The following ST6GALNAC3 variants were observed in gnomAD, a reference collection of about 807,000 sequenced individuals.
ST6GALNAC3 encodes ST6 N-acetylgalactosaminide alpha-2,6-sialyltransferase 3.
Under a neutral mutation model 32.7 loss-of-function variants are expected in ST6GALNAC3, and 25 were observed. That is an observed-to-expected ratio of 0.76 (90% CI 0.56 to 1.07). The LOEUF (loss-of-function observed/expected upper bound fraction) is 1.07, where lower values mean the gene tolerates loss of function less well. Among genes scored for constraint, ST6GALNAC3 ranks in the 50% least tolerant of loss-of-function variants. The pLI, the probability that ST6GALNAC3 is intolerant of heterozygous loss-of-function variation, is 0.00. For synonymous variants in ST6GALNAC3, 129 were observed against 133.1 expected, an observed-to-expected ratio of 0.97 and a Z score of 0.21; for missense variants, 355 against 382.4, an observed-to-expected ratio of 0.93 and a Z score of 0.60.
chr1:76,333,944 T>C (rs1335728860), intron 2 of ST6GALNAC3, among the ~76,000 whole-genome samples: 1 of 152,180 alleles, frequency 6.6e-6, no homozygotes, highest in African/African-American at 2.4e-5. Flanking sequence ...TAATTAATTT[T>C]CCAAGATCAT....
At chr1:76,314,521 G>T (rs1239416212) in intron 2 of ST6GALNAC3, among the ~76,000 whole-genome samples, 1 of 152,178 alleles carries the variant, frequency 6.6e-6, no homozygotes, top group East Asian at 1.9e-4. Flanking sequence ...TTAAAATCGT[G>T]TAAATCCTAT....
At chr1:76,605,540 A>C (rs1385064957) in intron 3 of ST6GALNAC3, among the ~76,000 whole-genome samples, 1 of 152,066 alleles carries the variant, frequency 6.6e-6, no homozygotes, top group African/African-American at 2.4e-5. Flanking sequence ...AAACAAATTT[A>C]CAAGAAAAAA....
chr1:76,353,005 G>A (rs1223250282), intron 2 of ST6GALNAC3, among the ~76,000 whole-genome samples: 1 of 151,972 alleles, frequency 6.6e-6, no homozygotes, highest in East Asian at 1.9e-4. Flanking sequence ...CTGGTCTCCT[G>A]CTTCCACTCT....
intron 1 of ST6GALNAC3, among the ~76,000 whole-genome samples, chr1:76,106,860 C>T (rs1647567039): frequency 6.6e-6 from 1 of 152,184 alleles, no homozygotes. Flanking sequence ...CTGCCATTGT[C>T]ATGGGAAAAG....
intron 2 of ST6GALNAC3, among the ~76,000 whole-genome samples, chr1:76,360,831 G>T (rs72675996): frequency 0.018 from 2,758 of 152,238 alleles, 39 homozygotes; most frequent in Non-Finnish European, 0.027. Flanking sequence ...TTAGAACCTC[G>T]TTGGCCTTCT....
intron 3 of ST6GALNAC3, among the ~76,000 whole-genome samples, chr1:76,501,384 G>A (rs1259968231): frequency 2.0e-5 from 3 of 152,272 alleles, no homozygotes; most frequent in Non-Finnish European, 2.9e-5. Flanking sequence ...GCTTTATCCC[G>A]GGATCTTATC....
chr1:76,224,101 T>C (rs1655934922), intron 1 of ST6GALNAC3, among the ~76,000 whole-genome samples: 1 of 152,178 alleles, frequency 6.6e-6, no homozygotes. Flanking sequence ...TTCCTGATGC[T>C]TCCATACTTC....
At chr1:76,276,934 A>G (rs1659166407) in intron 1 of ST6GALNAC3, among the ~76,000 whole-genome samples, 1 of 152,070 alleles carries the variant, frequency 6.6e-6, no homozygotes, top group Admixed American at 6.6e-5. Flanking sequence ...TTGCATTTTT[A>G]ATTGATATTT....
intron 2 of ST6GALNAC3, among the ~76,000 whole-genome samples, chr1:76,334,833 AT>A (rs765281065): frequency 6.6e-6 from 1 of 152,214 alleles, no homozygotes; most frequent in Non-Finnish European, 1.5e-5. Flanking sequence ...AGGGTTTCCG[AT>A]TCAGTAGATG....
At chr1:76,627,690 C>A in intron 4 of ST6GALNAC3, 131 bp downstream of exon 4, 1 of 790,558 alleles carries the variant, frequency 1.3e-6, no homozygotes, top group Non-Finnish European at 2.1e-6. Flanking sequence ...TCTTTGCTGA[C>A]ATGACATTTT....
intron 2 of ST6GALNAC3, among the ~76,000 whole-genome samples, chr1:76,385,458 G>A (rs1481957933): frequency 6.6e-6 from 1 of 151,978 alleles, no homozygotes; most frequent in Non-Finnish European, 1.5e-5. Context: ...CAAACATTTG[G>A]GCAAGTCACT....
intron 1 of ST6GALNAC3, among the ~76,000 whole-genome samples, chr1:76,077,220 A>G (rs921261972): frequency 4.0e-5 from 6 of 150,734 alleles, no homozygotes; most frequent in African/African-American, 1.5e-4. Context: ...AATTATAACC[A>G]TTGCGTTACA....
At chr1:76,212,294 GA>G (rs1471830540) in intron 1 of ST6GALNAC3, among the ~76,000 whole-genome samples, 1 of 152,078 alleles carries the variant, frequency 6.6e-6, no homozygotes, top group African/African-American at 2.4e-5. Flanking sequence ...TAAGTATAGT[GA>G]AACGCTTCCA....
intron 1 of ST6GALNAC3, among the ~76,000 whole-genome samples, chr1:76,160,041 TG>T (rs1172026789): frequency 1.3e-5 from 2 of 152,206 alleles, no homozygotes; most frequent in African/African-American, 4.8e-5. Flanking sequence ...TTTGTAGGAT[TG>T]TTGGTGAAAC....
chr1:76,239,329 T>G (rs1283676686), intron 1 of ST6GALNAC3, among the ~76,000 whole-genome samples: 1 of 152,016 alleles, frequency 6.6e-6, no homozygotes. Context: ...GGGGGAAGGA[T>G]GTGGAGAGAG....
At chr1:76,160,921 A>G (rs1231435199) in intron 1 of ST6GALNAC3, among the ~76,000 whole-genome samples, 3 of 152,238 alleles carry the variant, frequency 2.0e-5, no homozygotes, top group African/African-American at 4.8e-5. Flanking sequence ...AATTTTGTAG[A>G]TGAAAAATTT....
intron 3 of ST6GALNAC3, among the ~76,000 whole-genome samples, chr1:76,468,512 A>T (rs1170365589): frequency 6.6e-6 from 1 of 152,070 alleles, no homozygotes; most frequent in South Asian, 2.1e-4. Context: ...TCACCTTCTC[A>T]TCACTAAATA....
intron 3 of ST6GALNAC3, among the ~76,000 whole-genome samples, chr1:76,625,596 T>C (rs1369569784): frequency 6.6e-6 from 1 of 151,926 alleles, no homozygotes; most frequent in Non-Finnish European, 1.5e-5. Flanking sequence ...CCTCTTCTGA[T>C]CTCTTCTCAT....
intron 3 of ST6GALNAC3, among the ~76,000 whole-genome samples, chr1:76,533,966 A>G (rs955132217): frequency 1.3e-5 from 2 of 152,078 alleles, no homozygotes; most frequent in Admixed American, 1.3e-4. Context: ...TTATTGTCAT[A>G]CGTATATGTA....
Sources: allele counts gnomAD v4.1 joint callset (sites outside exome capture counted in the v4.1 genomes callset), GRCh38; gene constraint gnomAD v4.1.1; transcripts MANE v1.5; gene names NCBI Gene and HGNC (gene_info 2026-07-23, HGNC 2026-07-21).